Variants in LMF1 observed in about 807,000 individuals in gnomAD.
The protein encoded by LMF1 is transmembrane protein 112.
A neutral mutation model predicts 60.6 loss-of-function variants in LMF1; 68 were observed. The ratio of observed to expected loss-of-function variants is 1.12; its 90% confidence interval spans 0.92 to 1.37. LMF1 has a LOEUF of 1.37. LMF1 is among the 40% of genes most tolerant of loss of function. The pLI, the probability that LMF1 is intolerant of heterozygous loss-of-function variation, is 0.00. For missense variants in LMF1, 948 were observed against 767.2 expected, an observed-to-expected ratio of 1.24 and a Z score of -2.78; for synonymous variants, 418 against 324.7, an observed-to-expected ratio of 1.29 and a Z score of -3.09.
chr16:962,858 A>T lies in LMF1; in HGVS notation c.193+7930T>A, dbSNP rs1236407454. Among the ~76,000 whole-genome samples, 1 of 152,004 alleles carries T rather than the reference A, an allele frequency of 6.6e-6. No homozygotes were observed. The highest frequency in any genetic ancestry group is 2.4e-5 in the African/African-American group (1 of 41,384). ...TTTAAAAAGTAAAGGTTTCTCGAAG[A>T]CTCTGCACCACTCAGTGCCCGGCAT... On this transcript the variant is annotated intron_variant, in intron 1 of 10. Coordinates refer to ENST00000262301, the MANE Select transcript of LMF1 (RefSeq NM_022773.4). The surrounding 1 kb of genome is among the most constrained non-coding windows in gnomAD (Gnocchi z 4.5).
intron 6 of LMF1, chr16:873,390 G>GA (rs1313226052): frequency 6.6e-6 from 1 of 152,322 alleles, no homozygotes; most frequent in African/African-American, 2.4e-5. Flanking sequence ...GCCCGAGGGG[G>GA]TCCCCAAGGC....
At chr16:936,037 G>A (rs2071932304) in intron 2 of LMF1, among the ~76,000 whole-genome samples, 1 of 152,264 alleles carries the variant, frequency 6.6e-6, no homozygotes, top group Non-Finnish European at 1.5e-5. Flanking sequence ...AGGTAAAAGA[G>A]TACGAAGTCT....
At position 954,451 on chromosome 16, in the gene LMF1, A is replaced by C. The variant is rs1421837597; in HGVS notation, c.409T>G (p.Ser137Ala). ...DLLALLGLGI[S>A]SFVLITGCAN... ...CAGCCCGTGATCAGTACGAAAGACG[A>C]GATGCCCAGTCCGAGAAGAGCCAGC... The change falls in exon 2 of 11, where the codon TCG becomes GCG. Residue 137 changes from serine (S) to alanine (A), a missense_variant. Ser to Ala is a moderately conservative substitution (Grantham distance 99, BLOSUM62 1). Transcript: ENST00000262301. 1.2e-6 allele frequency: 2 copies of C among 1,612,836 alleles called. No homozygotes were observed. Among genetic ancestry groups the C allele is most frequent in the African/African-American group, 2.7e-5 (2 of 74,902 alleles).
chr16:869,969 T>G lies in LMF1; in HGVS notation c.1330A>C (p.Lys444Gln). 1 of 1,613,344 alleles carries G rather than the reference T, an allele frequency of 6.2e-7. No homozygotes were observed. The highest frequency in any genetic ancestry group is 8.5e-7 in the Non-Finnish European group (1 of 1,179,866). The change falls in exon 9 of 11, where the codon AAG becomes CAG. Residue 444 changes from lysine (K) to glutamine (Q), a missense_variant. Coordinates refer to ENST00000262301, the MANE Select transcript of LMF1 (RefSeq NM_022773.4). Reference sequence around the variant, plus strand: ...GGCCGTCTGCTGGGGTCACCTGGCTTGCACTTGAACTCGTAGTCCTCCCAC... The same window carrying G: ...GGCCGTCTGCTGGGGTCACCTGGCTGGCACTTGAACTCGTAGTCCTCCCAC... ...AMWEDYEFKC[K>Q]PGDPSRRPCL...
intron 3 of LMF1, among the ~76,000 whole-genome samples, chr16:927,956 A>C (rs1386343235): frequency 2.6e-5 from 4 of 152,150 alleles, no homozygotes; most frequent in African/African-American, 7.2e-5. Context: ...CAGACCTGAG[A>C]GGTGGGGAAG....
At position 878,490 on chromosome 16, in the gene LMF1, G is replaced by A. The variant is rs551980903; in HGVS notation, c.897+1080C>T. ...ACAGGCCTGCTCACGATACAGTAGC[G>A]CCCTTGAAAATACATCCACAGGATG... On this transcript the variant is annotated intron_variant, in intron 6 of 10. Coordinates refer to ENST00000262301, the MANE Select transcript of LMF1 (RefSeq NM_022773.4). The surrounding 1 kb of genome is among the most constrained non-coding windows in gnomAD (Gnocchi z 5.2). 2.6e-5 allele frequency among the ~76,000 whole-genome samples: 4 copies of A among 152,166 alleles called. No individual in the cohort carries two copies. The highest frequency in any genetic ancestry group is 5.9e-5 in the Non-Finnish European group (4 of 68,030).
At chr16:900,679 T>TTG (rs1415329144) in intron 4 of LMF1, 28 of 108,674 alleles carry the variant, frequency 2.6e-4, no homozygotes, top group East Asian at 8.5e-4. Flanking sequence ...CTGCTAATTT[T>TTG]TATGTGTGTG....
At position 897,261 on chromosome 16, in the gene LMF1, A is replaced by C. The variant is rs1479238902; in HGVS notation, c.664-4189T>G. Among the ~76,000 whole-genome samples, 1 of 152,318 alleles carries C rather than the reference A, an allele frequency of 6.6e-6. No individual in the cohort carries two copies. The highest frequency in any genetic ancestry group is 1.5e-5 in the Non-Finnish European group (1 of 68,022). Reference sequence around the variant, plus strand: ...ATGCGGAGAAGGAGACACTCTGTGGAGACCCCGCTTCTCTCACTTGGCCCC... The same window carrying C: ...ATGCGGAGAAGGAGACACTCTGTGGCGACCCCGCTTCTCTCACTTGGCCCC... On this transcript the variant is annotated intron_variant, in intron 4 of 10. Transcript: ENST00000262301. This position sits in a 1 kb window ranked among gnomAD's most constrained non-coding sequence, Gnocchi z 4.3.
intron 3 of LMF1, among the ~76,000 whole-genome samples, chr16:925,753 T>C (rs2071574954): frequency 6.6e-6 from 1 of 152,172 alleles, no homozygotes; most frequent in Admixed American, 6.5e-5. Flanking sequence ...AAACTATATA[T>C]ATATGCTTTT....
chr16:911,103 G>C (rs1357608737), intron 3 of LMF1, 24 bp from the exon 4 acceptor site: 1 of 1,604,784 alleles, frequency 6.2e-7, no homozygotes. Flanking sequence ...ACATACCAAA[G>C]GTGAGTTAAT....
chr16:979,098 T>G, intron 1 of LMF1: 1 of 453,844 alleles, frequency 2.2e-6, no homozygotes, highest in Non-Finnish European at 4.4e-6. Flanking sequence ...CTCCATCCTG[T>G]GTGGGAAAGT....
chr16:854,774 T>G, intron 10 of LMF1, 68 bp from the exon 11 acceptor site: 1 of 1,383,732 alleles, frequency 7.2e-7, no homozygotes, highest in Non-Finnish European at 9.9e-7. Context: ...CTCCTCAGCC[T>G]GCTGCTGAGC....
At chr16:887,692 T>A (rs1348903353) in intron 5 of LMF1, among the ~76,000 whole-genome samples, 3 of 152,102 alleles carry the variant, frequency 2.0e-5, no homozygotes, top group Non-Finnish European at 4.4e-5. Flanking sequence ...ATGAATGGCC[T>A]CTAGCCTCCG....
intron 4 of LMF1, 44 bp downstream of exon 4, chr16:910,887 G>A (rs1014640044): frequency 6.2e-7 from 1 of 1,608,444 alleles, no homozygotes; most frequent in South Asian, 1.1e-5. Flanking sequence ...GGTTAGAAGA[G>A]CCACCGTTAT....
chr16:913,825 C>T (rs1391347448), intron 3 of LMF1, among the ~76,000 whole-genome samples: 1 of 132,664 alleles, frequency 7.5e-6, no homozygotes, highest in Non-Finnish European at 1.5e-5. Context: ...GTGGGGCACA[C>T]AGAAGAGAGG....
At chr16:888,661 G>C (rs1200259855) in intron 5 of LMF1, among the ~76,000 whole-genome samples, 1 of 152,224 alleles carries the variant, frequency 6.6e-6, no homozygotes, top group Non-Finnish European at 1.5e-5. Context: ...CCCACAGCCT[G>C]CTGCATTCTG....
chr16:980,026 G>C, intron 1 of LMF1: 1 of 330,928 alleles, frequency 3.0e-6, no homozygotes, highest in South Asian at 2.4e-5. Context: ...TGGTGGGACG[G>C]GGAAGAGAGG....
At chr16:966,857 G>A (rs2072935275) in intron 1 of LMF1, among the ~76,000 whole-genome samples, 1 of 152,270 alleles carries the variant, frequency 6.6e-6, no homozygotes, top group East Asian at 1.9e-4. Flanking sequence ...GTTCTCTGCA[G>A]TGAACTGCTA....
At chr16:915,567 G>A (rs1431934582) in intron 3 of LMF1, among the ~76,000 whole-genome samples, 6 of 151,928 alleles carry the variant, frequency 3.9e-5, no homozygotes, top group African/African-American at 9.7e-5. Flanking sequence ...GGCACCTGGC[G>A]GCTGCTCTGG....
Sources: gnomAD v4.1 joint callset for allele counts (sites outside exome capture counted in the v4.1 genomes callset) on GRCh38, gnomAD v4.1.1 for gene constraint, Gnocchi (gnomAD v3.1) non-coding constraint, MANE v1.5 for transcripts, NCBI Gene and HGNC (gene_info 2026-07-23, HGNC 2026-07-21) for gene names.